The following SH3YL1 variants were observed in gnomAD, a reference collection of about 807,000 sequenced individuals.
SH3YL1 encodes the protein SH3 and SYLF domain containing 1, also known as SH3 domain-containing YSC84-like protein 1.
SH3YL1 carries 41 observed loss-of-function variants against 45.8 expected under a neutral mutation model. That is an observed-to-expected ratio of 0.89 (90% CI 0.70 to 1.16). The LOEUF (loss-of-function observed/expected upper bound fraction) is 1.16. Among genes scored for constraint, SH3YL1 ranks in the 50% most tolerant of loss-of-function variants. The pLI is 0.00. For missense variants in SH3YL1, 389 were observed against 409.6 expected, an observed-to-expected ratio of 0.95 and a Z score of 0.43; for synonymous variants, 152 against 151.4, an observed-to-expected ratio of 1.00 and a Z score of -0.03.
intron 1 of SH3YL1, chr2:262,772 G>A: frequency 8.0e-6 from 9 of 1,126,816 alleles, no homozygotes; most frequent in Non-Finnish European, 1.0e-5. Flanking sequence ...GAAATCTCTT[G>A]AGAATAAAGT....
chr2:254,051 T>G (rs985911873), intron 1 of SH3YL1, among the ~76,000 whole-genome samples: 2 of 152,046 alleles, frequency 1.3e-5, no homozygotes, highest in African/African-American at 4.8e-5. Flanking sequence ...TTAACAGACT[T>G]CAATACTAAT....
chr2:233,461 T>A (rs547259494), intron 5 of SH3YL1, among the ~76,000 whole-genome samples: 2 of 152,320 alleles, frequency 1.3e-5, no homozygotes, highest in Admixed American at 1.3e-4. Context: ...TCTGGTAACA[T>A]AGAACTGTGT....
At chr2:237,794 C>T (rs1490124344) in intron 4 of SH3YL1, among the ~76,000 whole-genome samples, 2 of 151,578 alleles carry the variant, frequency 1.3e-5, no homozygotes, top group African/African-American at 2.4e-5. Context: ...TTACAAGTAC[C>T]AGGAAAATAT....
chr2:233,336 C>CCTTCTTCAG, intron 5 of SH3YL1, 107 bp from the exon 6 acceptor site: 1 of 1,175,110 alleles, frequency 8.5e-7, no homozygotes, highest in Non-Finnish European at 1.1e-6. Context: ...TTGTTCTGTA[C>CCTTCTTCAG]CTTCTTCAGC....
intron 8 of SH3YL1, among the ~76,000 whole-genome samples, chr2:227,889 ATGTGTGTG>A (rs3070147): frequency 6.6e-6 from 1 of 150,692 alleles, no homozygotes; most frequent in Admixed American, 6.6e-5. Flanking sequence ...CCATAAAATT[ATGTGTGTG>A]TGTGTGTGTG....
chr2:242,938 C>A, intron 4 of SH3YL1: 2 of 984,278 alleles, frequency 2.0e-6, no homozygotes, highest in Non-Finnish European at 2.8e-6. Context: ...ATAAAATGGT[C>A]AATCAACCAA....
chr2:256,865 T>C (rs1013032892), intron 1 of SH3YL1, among the ~76,000 whole-genome samples: 4 of 152,314 alleles, frequency 2.6e-5, no homozygotes, highest in Admixed American at 1.3e-4. Context: ...GAGTTCTGGT[T>C]ATTCCATATC....
chr2:260,219 C>CAATT (rs1423071051), intron 1 of SH3YL1: 2 of 152,144 alleles, frequency 1.3e-5, no homozygotes, highest in African/African-American at 4.8e-5. Flanking sequence ...TCTAGATGCT[C>CAATT]AATATGTTTT....
At chr2:222,849 T>C (rs1484058995) in intron 9 of SH3YL1, 1 of 152,206 alleles carries the variant, frequency 6.6e-6, no homozygotes, top group Non-Finnish European at 1.5e-5. Context: ...TCATCAGGTT[T>C]TCAATTTAAG....
intron 5 of SH3YL1, among the ~76,000 whole-genome samples, chr2:233,494 T>C (rs974280904): frequency 2.0e-5 from 3 of 152,240 alleles, no homozygotes; most frequent in African/African-American, 7.2e-5. Flanking sequence ...CAGTGCAGCA[T>C]GTGTAAATAT....
At chr2:249,632 G>T in intron 3 of SH3YL1, 99 bp downstream of exon 3, 1 of 857,640 alleles carries the variant, frequency 1.2e-6, no homozygotes, top group Non-Finnish European at 1.8e-6. Flanking sequence ...TAGTTGATAT[G>T]CAGGAAACCT....
At chr2:253,468 C>T (rs576631537) in intron 1 of SH3YL1, among the ~76,000 whole-genome samples, 36 of 152,258 alleles carry the variant, frequency 2.4e-4, no homozygotes, top group Admixed American at 8.5e-4. Flanking sequence ...AATTCTAATG[C>T]GTTAGCTGCC....
intron 1 of SH3YL1, among the ~76,000 whole-genome samples, chr2:257,275 C>G (rs1439347838): frequency 6.6e-6 from 1 of 152,130 alleles, no homozygotes; most frequent in Non-Finnish European, 1.5e-5. Context: ...GTTGTAATTG[C>G]TTTTGGCATC....
chr2:236,832 T>G (rs1668325537), intron 4 of SH3YL1, among the ~76,000 whole-genome samples: 1 of 152,186 alleles, frequency 6.6e-6, no homozygotes, highest in Non-Finnish European at 1.5e-5. Context: ...CTAAGAGAGT[T>G]CCTGATGCAA....
rs1360238834 is a variant in SH3YL1, at chr2:233,152, C to T, written c.482G>A (p.Gly161Asp). Residue 161 changes from glycine to aspartate, a missense_variant, in exon 6 of 10, where the codon GGC (glycine) becomes GAC (aspartate). Gly to Asp is a moderately conservative substitution (Grantham distance 94). Transcript: ENST00000356150. ...CAAACAGCTCCCTTCTAAAGACACG[C>T]CTGCAAAGAGTCCCCTTGACTTGCA... ...TYCKSRGLFA[G>D]VSLEGSCLIE... is the part of the protein sequence containing the mutation. 1.0e-5 allele frequency: 16 copies of T among 1,601,418 alleles called. No individual in the cohort carries two copies. Among genetic ancestry groups the T allele is most frequent in the Non-Finnish European group, 1.0e-5 (12 of 1,172,734 alleles).
chr2:227,336 A>C (rs2103021234), intron 8 of SH3YL1, among the ~76,000 whole-genome samples: 1 of 152,302 alleles, frequency 6.6e-6, no homozygotes. Context: ...AAAAAATAAA[A>C]GTGCCAGTAT....
intron 8 of SH3YL1, among the ~76,000 whole-genome samples, chr2:227,425 A>T (rs1049813369): frequency 6.6e-5 from 10 of 152,222 alleles, no homozygotes; most frequent in Admixed American, 4.6e-4. Flanking sequence ...GTTAATATAC[A>T]TCAATAGGAG....
intron 2 of SH3YL1, 48 bp downstream of exon 2, chr2:252,957 T>C: frequency 8.3e-7 from 1 of 1,204,426 alleles, no homozygotes; most frequent in Non-Finnish European, 1.2e-6. Flanking sequence ...AAAAACAACT[T>C]AGGAAAAAGA....
At chr2:237,924 G>A (rs937224933) in intron 4 of SH3YL1, among the ~76,000 whole-genome samples, 2 of 152,142 alleles carry the variant, frequency 1.3e-5, no homozygotes, top group Non-Finnish European at 2.9e-5. Context: ...TGCCATGCAG[G>A]GGAAGCTGCG....
Sources: allele counts gnomAD v4.1 joint callset (sites outside exome capture counted in the v4.1 genomes callset), GRCh38; gene constraint gnomAD v4.1.1; transcripts MANE v1.5; gene names NCBI Gene and HGNC (gene_info 2026-07-23, HGNC 2026-07-21).